SLIT3: variants seen among roughly 807,000 people sequenced by gnomAD.
SLIT3 encodes slit homolog 3 protein.
In SLIT3, 68 loss-of-function variants were observed where a neutral mutation model predicts 184.0. The ratio of observed to expected loss-of-function variants is 0.37; its 90% CI spans 0.30 to 0.45. The LOEUF (loss-of-function observed/expected upper bound fraction) is 0.45, where lower values mean the gene tolerates loss of function less well. Among genes scored for constraint, SLIT3 ranks in the 20% least tolerant of loss-of-function variants. SLIT3 has a pLI of 1.00. For synonymous variants in SLIT3, 831 were observed against 828.6 expected, an observed-to-expected ratio of 1.00 and a Z score of -0.05; for missense variants, 1,707 against 2,026.0, an observed-to-expected ratio of 0.84 and a Z score of 3.02.
chr5:169,250,507 G>T (rs887930234), intron 2 of SLIT3, among the ~76,000 whole-genome samples: 1 of 152,162 alleles, frequency 6.6e-6, no homozygotes, highest in African/African-American at 2.4e-5. Context: ...CAGGACCAGA[G>T]CCTGGTACTT....
At chr5:169,154,868 T>C (rs1762247224) in intron 4 of SLIT3, among the ~76,000 whole-genome samples, 1 of 152,200 alleles carries the variant, frequency 6.6e-6, no homozygotes, top group East Asian at 1.9e-4. Flanking sequence ...AGAACGTTCT[T>C]CTTGAATGTT....
chr5:169,162,728 C>T (rs763481534), intron 4 of SLIT3, among the ~76,000 whole-genome samples: 59 of 152,146 alleles, frequency 3.9e-4, no homozygotes, highest in Non-Finnish European at 6.3e-4. Flanking sequence ...TCTCACTGGG[C>T]CTGGCTCCCC....
At chr5:169,051,893 C>T (rs967161675) in intron 4 of SLIT3, among the ~76,000 whole-genome samples, 8 of 152,168 alleles carry the variant, frequency 5.3e-5, no homozygotes, top group African/African-American at 1.9e-4. Flanking sequence ...TCATCCATTT[C>T]AAGCTTGCAC....
In SLIT3 at chr5:168,982,264, T is replaced by C. The variant is rs192800215; in HGVS notation, c.414-98928A>G. Reference sequence around the variant, plus strand: ...GATGGGGCCTTTGAGAGATGATTCATGGATTAATACATTAACAGGTTATCA... The same window carrying C: ...GATGGGGCCTTTGAGAGATGATTCACGGATTAATACATTAACAGGTTATCA... On this transcript the variant is annotated intron_variant, in intron 4 of 35. Coordinates refer to ENST00000519560, the MANE Select transcript of SLIT3 (RefSeq NM_003062.4). 4.9e-4 allele frequency among the ~76,000 whole-genome samples: 74 copies of C among 152,334 alleles called. 3 individuals are homozygous for C. The highest frequency in any genetic ancestry group is 1.8e-3 in the African/African-American group (73 of 41,578).
intron 10 of SLIT3, among the ~76,000 whole-genome samples, chr5:168,792,892 T>A (rs1444555701): frequency 2.0e-5 from 3 of 152,232 alleles, no homozygotes; most frequent in Non-Finnish European, 4.4e-5. Context: ...ACACCTGACC[T>A]CATGTGACTG....
chr5:168,964,553 C>T (rs1308716538), intron 4 of SLIT3, among the ~76,000 whole-genome samples: 3 of 152,188 alleles, frequency 2.0e-5, no homozygotes, highest in Admixed American at 2.0e-4. Context: ...GGTAAGAAGT[C>T]AGGTGGATTG....
chr5:168,759,301 C>T (rs578108873), intron 16 of SLIT3, among the ~76,000 whole-genome samples: 13 of 152,296 alleles, frequency 8.5e-5, no homozygotes, highest in East Asian at 1.9e-4. Context: ...ATCAACCTAT[C>T]GACGTATAAC....
chr5:169,218,569 A>G (rs1347622199), intron 3 of SLIT3, among the ~76,000 whole-genome samples: 1 of 152,214 alleles, frequency 6.6e-6, no homozygotes, highest in Non-Finnish European at 1.5e-5. Flanking sequence ...CTGCAGCTAG[A>G]TTGCCTAAAC....
rs139505835 is a variant in SLIT3, at chr5:169,233,817, C to T, written c.341+10888G>A. ...TCCTTCCCTCCCTTTTCTCTCCCTT[C>T]CTTCCTTTCCTATTTTTCGAATCAT... On this transcript the variant is annotated intron_variant, in intron 3 of 35. Coordinates refer to ENST00000519560, the MANE Select transcript of SLIT3 (RefSeq NM_003062.4). Among the ~76,000 whole-genome samples the T allele has an allele frequency of 4.4e-3, 668 of 152,154 alleles. 3 individuals are homozygous for T. Among genetic ancestry groups the T allele is most frequent in the Middle Eastern group, 6.8e-3 (2 of 292 alleles).
chr5:169,184,278 C>T (rs957338123), intron 4 of SLIT3, among the ~76,000 whole-genome samples: 1 of 152,160 alleles, frequency 6.6e-6, no homozygotes, highest in African/African-American at 2.4e-5. Flanking sequence ...TGTGTTTCTG[C>T]ATAGAAAGCA....
chr5:169,020,721 TGGATGGTGGGTAAAG>T (rs1258035389), intron 4 of SLIT3, among the ~76,000 whole-genome samples: 1 of 152,160 alleles, frequency 6.6e-6, no homozygotes, highest in African/African-American at 2.4e-5. Flanking sequence ...TGCAAAAGCA[TGGATGGTGGGTAAAG>T]GGATTGCTAC....
At chr5:168,838,664 C>A (rs891629619) in intron 6 of SLIT3, among the ~76,000 whole-genome samples, 1 of 152,106 alleles carries the variant, frequency 6.6e-6, no homozygotes, top group African/African-American at 2.4e-5. Context: ...GGACACCAAC[C>A]CCGCTCTAGG....
At chr5:168,735,034 C>T (rs1180854962) in intron 20 of SLIT3, among the ~76,000 whole-genome samples, 2 of 152,170 alleles carry the variant, frequency 1.3e-5, no homozygotes, top group African/African-American at 4.8e-5. Context: ...CATGAAAACT[C>T]TGAACTCCAA....
intron 20 of SLIT3, among the ~76,000 whole-genome samples, chr5:168,734,602 G>A (rs1159609732): frequency 6.6e-6 from 1 of 152,220 alleles, no homozygotes; most frequent in East Asian, 1.9e-4. Flanking sequence ...TGAAAAGAAT[G>A]TATATTCTGT....
At chr5:169,092,785 TTCCTTTCTTC>T (rs1205726288) in intron 4 of SLIT3, among the ~76,000 whole-genome samples, 4 of 152,186 alleles carry the variant, frequency 2.6e-5, no homozygotes, top group Non-Finnish European at 5.9e-5. Flanking sequence ...GTGTACCCAC[TTCCTTTCTTC>T]TCATCCCTGT....
intron 4 of SLIT3, among the ~76,000 whole-genome samples, chr5:168,902,856 G>T (rs1760917848): frequency 6.6e-6 from 1 of 152,196 alleles, no homozygotes; most frequent in African/African-American, 2.4e-5. Flanking sequence ...TGGTTAGCAT[G>T]GGCAGGGGAG....
At chr5:168,967,591 C>T (rs1395492649) in intron 4 of SLIT3, among the ~76,000 whole-genome samples, 2 of 144,016 alleles carry the variant, frequency 1.4e-5, no homozygotes, top group African/African-American at 5.1e-5. Context: ...AGGCGCCCGC[C>T]ACTACGCCCG....
At chr5:169,181,273 A>G (rs1389299808) in intron 4 of SLIT3, among the ~76,000 whole-genome samples, 2 of 152,150 alleles carry the variant, frequency 1.3e-5, no homozygotes, top group Non-Finnish European at 2.9e-5. Flanking sequence ...ATTCTCCTAT[A>G]GAGAGGTTTT....
chr5:168,956,371 G>A (rs994170174), intron 4 of SLIT3, among the ~76,000 whole-genome samples: 1 of 152,146 alleles, frequency 6.6e-6, no homozygotes, highest in Admixed American at 6.5e-5. Context: ...GGAGAAAACT[G>A]TCTACATTTA....
Sources: gnomAD v4.1 joint callset for allele counts (sites outside exome capture counted in the v4.1 genomes callset) on GRCh38, gnomAD v4.1.1 for gene constraint, MANE v1.5 for transcripts, NCBI Gene and HGNC (gene_info 2026-07-23, HGNC 2026-07-21) for gene names.